ZNF385B: variants seen among roughly 807,000 people sequenced by gnomAD.
ZNF385B encodes the protein zinc finger protein 533.
Under a neutral mutation model 39.2 loss-of-function variants are expected in ZNF385B, and 23 were observed. That is an observed-to-expected ratio of 0.59 (90% CI 0.42 to 0.83). The LOEUF (loss-of-function observed/expected upper bound fraction) is 0.83, where lower values mean the gene tolerates loss of function less well. Among genes scored for constraint, ZNF385B ranks in the 40% least tolerant of loss-of-function variants. The probability of loss-of-function intolerance (pLI) is 0.00; values close to 1 mark genes in which losing one functional copy is unlikely to be tolerated. For missense variants in ZNF385B, 552 were observed against 598.9 expected (o/e 0.92, Z 0.82); for synonymous variants, 205 against 222.6 (o/e 0.92, Z 0.70).
intron 4 of ZNF385B, among the ~76,000 whole-genome samples, chr2:179,532,659 C>A (rs560985742): frequency 2.0e-5 from 3 of 152,250 alleles, no homozygotes; most frequent in African/African-American, 7.2e-5. Flanking sequence ...TTTTATTCAC[C>A]TTTCTGCCTC....
chr2:179,731,944 C>T (rs1701421519), intron 3 of ZNF385B, among the ~76,000 whole-genome samples: 1 of 152,216 alleles, frequency 6.6e-6, no homozygotes, highest in Admixed American at 6.5e-5. Context: ...CCACCACACC[C>T]TCTAGGCATG....
At chr2:179,458,397 G>A (rs1387009520) in intron 6 of ZNF385B, among the ~76,000 whole-genome samples, 2 of 152,210 alleles carry the variant, frequency 1.3e-5, no homozygotes, top group African/African-American at 2.4e-5. Context: ...CTCCAGCCAT[G>A]TGGAACTGTA....
chr2:179,718,035 G>A (rs1231603617), intron 3 of ZNF385B, among the ~76,000 whole-genome samples: 1 of 152,000 alleles, frequency 6.6e-6, no homozygotes, highest in Non-Finnish European at 1.5e-5. Context: ...TTCTCATTAG[G>A]TAGCCTAATG....
chr2:179,735,038 A>C (rs547830707), intron 3 of ZNF385B, among the ~76,000 whole-genome samples: 3 of 152,098 alleles, frequency 2.0e-5, no homozygotes, highest in South Asian at 2.1e-4. Context: ...AATGGGATCT[A>C]ATTAAACTAA....
At chr2:179,527,175 G>A (rs1483179113) in intron 4 of ZNF385B, among the ~76,000 whole-genome samples, 2 of 152,116 alleles carry the variant, frequency 1.3e-5, no homozygotes, top group East Asian at 3.8e-4. Flanking sequence ...AATTAAGCAG[G>A]ACCCCAGGAT....
At chr2:179,551,252 A>G (rs2060547091) in intron 3 of ZNF385B, among the ~76,000 whole-genome samples, 1 of 152,124 alleles carries the variant, frequency 6.6e-6, no homozygotes, top group Admixed American at 6.6e-5. Context: ...TGAAATACAC[A>G]TATATAAGCA....
intron 3 of ZNF385B, among the ~76,000 whole-genome samples, chr2:179,610,772 G>A (rs1689225625): frequency 6.6e-6 from 1 of 151,814 alleles, no homozygotes; most frequent in Non-Finnish European, 1.5e-5. Context: ...TCACTTCCTT[G>A]GTTAATTCCT....
At chr2:179,791,527 G>A (rs1705323097) in intron 1 of ZNF385B, among the ~76,000 whole-genome samples, 1 of 152,150 alleles carries the variant, frequency 6.6e-6, no homozygotes, top group East Asian at 1.9e-4. Context: ...AATATGAAAT[G>A]ATTCAGCATG....
intron 3 of ZNF385B, among the ~76,000 whole-genome samples, chr2:179,625,858 C>A (rs1189503473): frequency 6.6e-6 from 1 of 152,040 alleles, no homozygotes; most frequent in African/African-American, 2.4e-5. Context: ...AAAACAGACA[C>A]AAGATGCATC....
Position 179,446,641 on chromosome 2 carries a change from T to C in ZNF385B, c.845A>G (p.Asn282Ser). ...TTCAACAACAGTACCGGGAGCTCCA[T>C]TTGTGCTCTTGGAGGGAGAAGTGGC... is the stretch of plus-strand genomic sequence containing the variant. ...GAATSPSKST[N>S]GAPGTVVESE... The change falls in exon 7 of 10, where the codon AAT becomes AGT. Residue 282 changes from asparagine to serine, a missense_variant. Asn to Ser is a conservative substitution (Grantham distance 46, BLOSUM62 1). Transcript: ENST00000410066. 6.2e-7 allele frequency: 1 copy of C among 1,614,062 alleles called. No homozygotes were observed. The highest frequency in any genetic ancestry group is 8.5e-7 in the Non-Finnish European group (1 of 1,179,982).
At chr2:179,860,448 C>A (rs1386192860) in intron 1 of ZNF385B, among the ~76,000 whole-genome samples, 1 of 152,168 alleles carries the variant, frequency 6.6e-6, no homozygotes, top group Non-Finnish European at 1.5e-5. Flanking sequence ...GGTCCTCCCC[C>A]TCCCCTTCTC....
At chr2:179,757,570 C>T (rs1164216883) in intron 3 of ZNF385B, among the ~76,000 whole-genome samples, 1 of 152,208 alleles carries the variant, frequency 6.6e-6, no homozygotes, top group Admixed American at 6.5e-5. Context: ...GTGGAGTCTA[C>T]AGAGGCATGC....
intron 3 of ZNF385B, among the ~76,000 whole-genome samples, chr2:179,767,207 G>A (rs1301279035): frequency 6.6e-6 from 1 of 152,182 alleles, no homozygotes; most frequent in African/African-American, 2.4e-5. Flanking sequence ...CAATCTGGGG[G>A]ATCCCTTCAT....
chr2:179,662,429 T>C (rs1694607064), intron 3 of ZNF385B, among the ~76,000 whole-genome samples: 1 of 151,810 alleles, frequency 6.6e-6, no homozygotes, highest in Non-Finnish European at 1.5e-5. Flanking sequence ...TACATTTCTG[T>C]TGTTTAAGGC....
At chr2:179,706,150 C>G (rs189447531) in intron 3 of ZNF385B, among the ~76,000 whole-genome samples, 2 of 152,158 alleles carry the variant, frequency 1.3e-5, no homozygotes, top group Admixed American at 1.3e-4. Context: ...GAATACCAGA[C>G]CTCGGTTGAT....
intron 3 of ZNF385B, among the ~76,000 whole-genome samples, chr2:179,595,629 T>G (rs1488936799): frequency 6.6e-6 from 1 of 151,688 alleles, no homozygotes; most frequent in Non-Finnish European, 1.5e-5. Flanking sequence ...ATATTCTTTT[T>G]TTTTTTTTCT....
intron 4 of ZNF385B, among the ~76,000 whole-genome samples, chr2:179,528,429 A>C (rs145565055): frequency 1.4e-4 from 22 of 152,304 alleles, no homozygotes; most frequent in Admixed American, 1.3e-3. Context: ...TGAATAGCAA[A>C]ATGATCATGA....
chr2:179,537,792 A>G (rs928400114), intron 4 of ZNF385B, among the ~76,000 whole-genome samples: 1 of 152,076 alleles, frequency 6.6e-6, no homozygotes, highest in Non-Finnish European at 1.5e-5. Context: ...TAGAAATGTA[A>G]AATTTTCTAG....
rs2049171054 is a variant in ZNF385B at position 179,443,552 on chromosome 2, A to G, written c.1243-84T>C. On this transcript the variant is annotated intron_variant, in intron 9 of 9. Coordinates refer to ENST00000410066, the MANE Select transcript of ZNF385B (RefSeq NM_152520.6). Reference sequence around the variant, plus strand: ...ACAGGCATCTTTTCATAAGTAAAACACCAACATTAAGAAGTCTTAAATTTT... The same window carrying G: ...ACAGGCATCTTTTCATAAGTAAAACGCCAACATTAAGAAGTCTTAAATTTT... The G allele has an allele frequency of 3.9e-6, 4 of 1,028,840 alleles. No individual in the cohort carries two copies. The South Asian group carries it at 5.6e-5, about 14-fold the overall frequency. 63.7% of individuals were successfully genotyped at this position (1,028,840 alleles called of 1,614,324 possible). A position where few individuals can be genotyped will look rare whatever the true frequency, so the allele number is the denominator to read the frequency against.
Sources: gnomAD v4.1 joint callset for allele counts (sites outside exome capture counted in the v4.1 genomes callset) on GRCh38, gnomAD v4.1.1 for gene constraint, MANE v1.5 for transcripts, NCBI Gene and HGNC (gene_info 2026-07-23, HGNC 2026-07-21) for gene names.